The following TPM3 variants were observed in gnomAD, a reference collection of about 807,000 sequenced individuals.
TPM3 encodes the protein tropomyosin alpha-3 chain.
A neutral mutation model predicts 43.1 loss-of-function variants in TPM3; 16 were observed. The ratio of observed to expected loss-of-function variants is 0.37; its 90% CI spans 0.25 to 0.56. TPM3 has a LOEUF of 0.56. Among genes scored for constraint, TPM3 ranks in the 20% least tolerant of loss-of-function variants. The pLI is 0.77. For missense variants in TPM3, 176 were observed against 337.2 expected, an observed-to-expected ratio of 0.52 and a Z score of 3.74; for synonymous variants, 101 against 116.9, an observed-to-expected ratio of 0.86 and a Z score of 0.88.
downstream of TPM3, chr1:154,157,415 A>C (rs1659919539): frequency 1.4e-5 from 9 of 641,746 alleles, no homozygotes; most frequent in Admixed American, 2.3e-4. Flanking sequence ...CATTCCCTTA[A>C]ATGTTGTTTC....
At chr1:154,158,969 T>C, downstream of TPM3, 1 of 780,498 alleles carries the variant, frequency 1.3e-6, no homozygotes, top group Non-Finnish European at 2.4e-6. Context: ...GCCCTGCCCA[T>C]CAGTCACACA....
At chr1:154,168,985 G>T (rs1480049862) in intron 9 of TPM3, among the ~76,000 whole-genome samples, 1 of 151,242 alleles carries the variant, frequency 6.6e-6, no homozygotes, top group African/African-American at 2.4e-5. Context: ...CAGGTGCACT[G>T]CCACCATGCC....
chr1:154,161,437 CTTT>C (rs966387714), downstream of TPM3, among the ~76,000 whole-genome samples: 4 of 113,410 alleles, frequency 3.5e-5, no homozygotes, highest in Middle Eastern at 4.5e-3. Context: ...TATCAGGATC[CTTT>C]TTTTTTTTTT....
Position 154,165,970 on chromosome 1 carries a change from G to A in TPM3, c.*1967C>T, listed in dbSNP as rs910205963. The stretch of plus-strand genomic sequence containing the variant: ...CATCACACAGTATCTGTAGCTTTAT[G>A]TATGTTTTCTCTCCTAGTAGATTCT... On this transcript the variant is annotated 3_prime_UTR_variant, in exon 10 of 10. Coordinates refer to ENST00000651641, the MANE Select transcript of TPM3 (RefSeq NM_152263.4). 5.3e-5 allele frequency among the ~76,000 whole-genome samples: 8 copies of A among 152,016 alleles called. No homozygotes were observed. Among genetic ancestry groups the A allele is most frequent in the Non-Finnish European group, 1.0e-4 (7 of 68,012 alleles).
downstream of TPM3, chr1:154,157,223 G>A: frequency 2.6e-6 from 1 of 388,574 alleles, no homozygotes; most frequent in East Asian, 4.6e-5. Flanking sequence ...TCTATGGAGA[G>A]GGGAATATGC....
Position 154,166,630 on chromosome 1 carries a change from G to A in TPM3, c.*1307C>T. 1 of 1,035,960 alleles carries A rather than the reference G, an allele frequency of 9.7e-7. No homozygotes were observed. Among genetic ancestry groups the A allele is most frequent in the South Asian group, 4.6e-5 (1 of 21,724 alleles). The allele number at this position is 1,035,960 out of a possible 1,614,324, so 64.2% of individuals were successfully genotyped here. ...GAACAACACTTACGTGCTTGGATTA[G>A]TATAATTCACAGCTATACTATTAAG... On this transcript the variant is annotated 3_prime_UTR_variant, in exon 10 of 10. Transcript: ENST00000651641.
intron 2 of TPM3, among the ~76,000 whole-genome samples, chr1:154,182,106 C>T (rs1207572383): frequency 1.3e-5 from 2 of 152,208 alleles, no homozygotes; most frequent in Non-Finnish European, 2.9e-5. Context: ...CTGCCATACA[C>T]TCGCTTATCA....
At chr1:154,172,137 C>G (rs1331407316) in intron 5 of TPM3, 1 of 1,611,002 alleles carries the variant, frequency 6.2e-7, no homozygotes, top group African/African-American at 1.3e-5. Flanking sequence ...TGGCACAAGC[C>G]AGGTTGTGGG....
chr1:154,180,230 G>C (rs568444096), intron 2 of TPM3, among the ~76,000 whole-genome samples: 1 of 152,278 alleles, frequency 6.6e-6, no homozygotes, highest in Non-Finnish European at 1.5e-5. Context: ...CCCAACAAGG[G>C]TGGCTTGGAT....
At chr1:154,177,926 T>C (rs763228293) in intron 2 of TPM3, among the ~76,000 whole-genome samples, 6 of 152,072 alleles carry the variant, frequency 3.9e-5, no homozygotes, top group Non-Finnish European at 8.8e-5. Flanking sequence ...AAGAAACCAT[T>C]TGTGCCTCTA....
At chr1:154,170,792 T>A (rs984484881) in intron 6 of TPM3, 81 bp from the exon 7 acceptor site, 1 of 950,764 alleles carries the variant, frequency 1.1e-6, no homozygotes, top group Admixed American at 1.7e-5. Context: ...TTAACTTACA[T>A]TGAATATCCT....
chr1:154,170,249 T>C (rs1661418293), intron 8 of TPM3, 151 bp downstream of exon 8: 6 of 781,052 alleles, frequency 7.7e-6, no homozygotes, highest in Middle Eastern at 3.6e-4. Context: ...TTGACCCACT[T>C]TGCCTAGCTG....
In TPM3 at chr1:154,166,582, G is replaced by T; in HGVS notation, c.*1355C>A. On this transcript the variant is annotated 3_prime_UTR_variant, in exon 10 of 10. Transcript: ENST00000651641. Reference sequence around the variant, plus strand: ...AAAGCAAATTTTAAATACATACCCTGCTGGGAAACTAAAGTACTAAGTGAA... The same window carrying T: ...AAAGCAAATTTTAAATACATACCCTTCTGGGAAACTAAAGTACTAAGTGAA... 1.9e-6 allele frequency: 2 copies of T among 1,051,772 alleles called. No homozygotes were observed. Among genetic ancestry groups the T allele is most frequent in the Non-Finnish European group, 2.3e-6 (2 of 870,828 alleles). The allele number at this position is 1,051,772 out of a possible 1,614,324, so 65.2% of individuals were successfully genotyped here.
downstream of TPM3, among the ~76,000 whole-genome samples, chr1:154,161,085 G>A (rs1660304840): frequency 7.7e-6 from 1 of 129,262 alleles, no homozygotes; most frequent in South Asian, 2.6e-4. Context: ...ATAAATTTCT[G>A]ATTTTCGAAT....
chr1:154,160,905 G>A (rs929444533), downstream of TPM3, among the ~76,000 whole-genome samples: 1 of 152,038 alleles, frequency 6.6e-6, no homozygotes, highest in African/African-American at 2.4e-5. Context: ...GTGTTTGTGT[G>A]TGTGTGTATT....
At chr1:154,186,653 G>A (rs963969928) in intron 2 of TPM3, among the ~76,000 whole-genome samples, 15 of 151,616 alleles carry the variant, frequency 9.9e-5, no homozygotes, top group African/African-American at 3.7e-4. Flanking sequence ...TTTCATCTTG[G>A]ATTAAAATGA....
intron 2 of TPM3, among the ~76,000 whole-genome samples, chr1:154,184,135 C>T (rs1663278587): frequency 1.3e-5 from 2 of 152,044 alleles, no homozygotes; most frequent in South Asian, 4.1e-4. Flanking sequence ...TAAGCTCCGC[C>T]TCCCGGGTTC....
At chr1:154,171,851 C>A in intron 5 of TPM3, 1 of 772,598 alleles carries the variant, frequency 1.3e-6, no homozygotes. Flanking sequence ...GGCAGTGAAG[C>A]AACTAGGAAA....
rs4446955 is a variant in TPM3, at chr1:154,162,969, T to C, written c.*4968A>G. Among the ~76,000 whole-genome samples the C allele has an allele frequency of 0.3, 45,755 of 151,858 alleles. 9,441 individuals carry two copies. Among genetic ancestry groups the C allele is most frequent in the African/African-American group, 0.58 (24,160 of 41,376 alleles). On this transcript the variant is annotated 3_prime_UTR_variant, in exon 10 of 10. Coordinates refer to ENST00000651641, the MANE Select transcript of TPM3 (RefSeq NM_152263.4). ...GGGACTACAGGCATGTGCCACCATG[T>C]CCAGCTAATTTTTGTATTTTTAGTA...
Sources: gnomAD v4.1 joint callset for allele counts (sites outside exome capture counted in the v4.1 genomes callset) on GRCh38, gnomAD v4.1.1 for gene constraint, MANE v1.5 for transcripts, NCBI Gene and HGNC (gene_info 2026-07-23, HGNC 2026-07-21) for gene names.